The following PRICKLE2 variants were observed in gnomAD, a reference collection of about 807,000 sequenced individuals.
PRICKLE2 encodes prickle planar cell polarity protein 2, also known as prickle-like protein 2.
In PRICKLE2, 21 loss-of-function variants were observed where a neutral mutation model predicts 81.4. The ratio of observed to expected loss-of-function variants is 0.26; its 90% CI spans 0.18 to 0.37. PRICKLE2 has a LOEUF of 0.37. Ranked by LOEUF, PRICKLE2 falls within the 10% of genes least tolerant of loss-of-function variation. The probability of loss-of-function intolerance (pLI) is 1.00; values close to 1 mark genes in which losing one functional copy is unlikely to be tolerated. For synonymous variants in PRICKLE2, 456 were observed against 421.5 expected, an observed-to-expected ratio of 1.08 and a Z score of -1.00; for missense variants, 940 against 1,109.0, an observed-to-expected ratio of 0.85 and a Z score of 2.16.
chr3:64,121,248 G>A (rs1250463747), intron 7 of PRICKLE2, among the ~76,000 whole-genome samples: 1 of 152,186 alleles, frequency 6.6e-6, no homozygotes, highest in Non-Finnish European at 1.5e-5. Context: ...TCTGGATTAT[G>A]CAAAAAAACG....
At chr3:64,164,129 T>C (rs533302336) in intron 2 of PRICKLE2, among the ~76,000 whole-genome samples, 2 of 152,134 alleles carry the variant, frequency 1.3e-5, no homozygotes, top group Non-Finnish European at 2.9e-5. Context: ...TCCCAGCACC[T>C]TGGGGGGCTG....
intron 2 of PRICKLE2, among the ~76,000 whole-genome samples, chr3:64,245,513 A>G (rs1245903043): frequency 2.0e-5 from 3 of 152,132 alleles, no homozygotes; most frequent in Admixed American, 6.5e-5. Flanking sequence ...CCTCATAACA[A>G]TAGAAGATCT....
chr3:64,172,179 GA>G (rs1242657278), intron 2 of PRICKLE2, among the ~76,000 whole-genome samples: 1 of 152,188 alleles, frequency 6.6e-6, no homozygotes, highest in African/African-American at 2.4e-5. Flanking sequence ...AAAGGTTGCA[GA>G]AATGGAAGAA....
intron 1 of PRICKLE2, among the ~76,000 whole-genome samples, chr3:64,201,913 T>C (rs1489149474): frequency 6.6e-6 from 1 of 152,222 alleles, no homozygotes; most frequent in Non-Finnish European, 1.5e-5. Flanking sequence ...TTAATTTTTG[T>C]ATATGGCACT....
rs1047591651 is a variant in PRICKLE2, at chr3:64,095,707, C to T, written c.*3344G>A. 1 of 152,152 alleles carries T rather than the reference C, an allele frequency of 6.6e-6. No homozygotes were observed. The highest frequency in any genetic ancestry group is 1.5e-5 in the Non-Finnish European group (1 of 68,030). 9.4% of individuals were successfully genotyped at this position (152,152 alleles called of 1,614,324 possible). On this transcript the variant is annotated 3_prime_UTR_variant, in exon 8 of 8. Transcript: ENST00000638394. ...AAATGAGGATTAGAAAGCACTACTT[C>T]CAGATCCTGTATTAGAAACACAAAA...
At chr3:64,257,644 T>C (rs890029814) in intron 2 of PRICKLE2, among the ~76,000 whole-genome samples, 3 of 152,098 alleles carry the variant, frequency 2.0e-5, no homozygotes, top group African/African-American at 4.8e-5. Flanking sequence ...GAAAGTCTTA[T>C]GGAAAGAGTG....
chr3:64,111,258 A>C (rs1008343950), intron 7 of PRICKLE2, among the ~76,000 whole-genome samples: 2 of 152,230 alleles, frequency 1.3e-5, no homozygotes, highest in Admixed American at 6.5e-5. Context: ...CAATCTTCTT[A>C]CTGTCCTTTA....
At chr3:64,206,987 C>T (rs1334396484) in intron 1 of PRICKLE2, among the ~76,000 whole-genome samples, 1 of 152,126 alleles carries the variant, frequency 6.6e-6, no homozygotes, top group East Asian at 1.9e-4. Flanking sequence ...GCAGCCTCGA[C>T]CTCCTGGGCT....
intron 2 of PRICKLE2, among the ~76,000 whole-genome samples, chr3:64,252,915 T>C (rs1033005361): frequency 1.3e-5 from 2 of 152,338 alleles, no homozygotes; most frequent in East Asian, 1.9e-4. Flanking sequence ...GGCATGGATA[T>C]GTTCCTATAA....
chr3:64,176,335 G>A (rs1339057784), intron 2 of PRICKLE2, among the ~76,000 whole-genome samples: 1 of 152,196 alleles, frequency 6.6e-6, no homozygotes, highest in African/African-American at 2.4e-5. Flanking sequence ...CTTATGTGGA[G>A]TCCTTAGGAG....
chr3:64,228,333 C>A (rs190645805), upstream of PRICKLE2, among the ~76,000 whole-genome samples: 74 of 152,190 alleles, frequency 4.9e-4, no homozygotes, highest in Admixed American at 1.0e-3. Flanking sequence ...TCCTCAAAGG[C>A]CTAATTGCAT....
Position 64,097,758 on chromosome 3 carries a change from CTT to C in PRICKLE2, c.*1291_*1292del, listed in dbSNP as rs1298859118. The C allele has an allele frequency of 6.6e-6, 1 of 152,620 alleles. No homozygotes were observed. The highest frequency in any genetic ancestry group is 1.5e-5 in the Non-Finnish European group (1 of 68,044). The allele number at this position is 152,620 out of a possible 1,614,324, so 9.5% of individuals were successfully genotyped here. Reference sequence around the variant, plus strand: ...GTTACTAAGCTGGTTACACTGGACTCTTTCTACAATCTCTGGGAGCTCTTCGA... The same window carrying C: ...GTTACTAAGCTGGTTACACTGGACTCTCTACAATCTCTGGGAGCTCTTCGA... On this transcript the variant is annotated 3_prime_UTR_variant, in exon 8 of 8. Coordinates refer to ENST00000638394, the MANE Select transcript of PRICKLE2 (RefSeq NM_198859.4).
intron 1 of PRICKLE2, among the ~76,000 whole-genome samples, chr3:64,221,427 A>ACG (rs1286035629): frequency 7.0e-6 from 1 of 142,834 alleles, no homozygotes; most frequent in Non-Finnish European, 1.6e-5. Flanking sequence ...TCATACACAC[A>ACG]CACACACACA....
At chr3:64,174,894 T>C (rs993932829) in intron 2 of PRICKLE2, 2 of 211,168 alleles carry the variant, frequency 9.5e-6, no homozygotes, top group Non-Finnish European at 2.0e-5. Context: ...CCTGAGACTA[T>C]GGTGTGCTGT....
chr3:64,219,885 T>TGG (rs1268965578), intron 1 of PRICKLE2, among the ~76,000 whole-genome samples: 2 of 152,238 alleles, frequency 1.3e-5, no homozygotes, highest in Non-Finnish European at 2.9e-5. Flanking sequence ...CCAGGAGTCC[T>TGG]GATTTCTCAA....
chr3:64,256,529 G>T (rs911559220), intron 2 of PRICKLE2, among the ~76,000 whole-genome samples: 1 of 152,128 alleles, frequency 6.6e-6, no homozygotes, highest in African/African-American at 2.4e-5. Flanking sequence ...GACCCATGAT[G>T]TAGAAAAGTC....
At chr3:64,203,821 A>C (rs2078631588) in intron 1 of PRICKLE2, among the ~76,000 whole-genome samples, 1 of 151,734 alleles carries the variant, frequency 6.6e-6, no homozygotes, top group African/African-American at 2.4e-5. Flanking sequence ...TACAAAAAAA[A>C]AAAAACATCA....
At chr3:64,138,554 C>T (rs376637332) in intron 7 of PRICKLE2, among the ~76,000 whole-genome samples, 10 of 152,274 alleles carry the variant, frequency 6.6e-5, no homozygotes, top group African/African-American at 1.2e-4. Context: ...AGAAAGAAAC[C>T]GAGTCCTGAT....
At chr3:64,157,432 T>C in intron 4 of PRICKLE2, 67 bp from the exon 5 acceptor site, 1 of 1,502,356 alleles carries the variant, frequency 6.7e-7, no homozygotes, top group Non-Finnish European at 9.2e-7. Context: ...GCATAAATGA[T>C]AAAGGACAAC....
Sources: gnomAD v4.1 joint callset for allele counts (sites outside exome capture counted in the v4.1 genomes callset) on GRCh38, gnomAD v4.1.1 for gene constraint, MANE v1.5 for transcripts, NCBI Gene and HGNC (gene_info 2026-07-23, HGNC 2026-07-21) for gene names.